The following GRIK4 variants were observed in gnomAD, a reference collection of about 807,000 sequenced individuals.
GRIK4 encodes the protein glutamate receptor ionotropic, kainate 4.
Under a neutral mutation model 104.9 loss-of-function variants are expected in GRIK4, and 40 were observed. The ratio of observed to expected loss-of-function variants is 0.38; its 90% CI spans 0.30 to 0.50. The LOEUF (loss-of-function observed/expected upper bound fraction) is 0.50, where lower values mean the gene tolerates loss of function less well. GRIK4 is among the 20% of genes least tolerant of loss of function. The pLI, the probability that GRIK4 is intolerant of heterozygous loss-of-function variation, is 0.93. For missense variants in GRIK4, 1,047 were observed against 1,308.1 expected (o/e 0.80, Z 3.08); for synonymous variants, 485 against 524.9 (o/e 0.92, Z 1.04).
At chr11:120,560,911 C>T (rs1948231880) in intron 1 of GRIK4, among the ~76,000 whole-genome samples, 1 of 152,196 alleles carries the variant, frequency 6.6e-6, no homozygotes, top group South Asian at 2.1e-4. Context: ...TTTCTGTCTG[C>T]TAAGGATTTC....
chr11:120,641,515 TG>T (rs1949472080), intron 1 of GRIK4, among the ~76,000 whole-genome samples: 1 of 152,114 alleles, frequency 6.6e-6, no homozygotes, highest in South Asian at 2.1e-4. Context: ...GGGAAAGGGG[TG>T]GGCAATTCCC....
At chr11:120,671,630 C>CT (rs1829416235) in intron 3 of GRIK4, among the ~76,000 whole-genome samples, 1 of 151,938 alleles carries the variant, frequency 6.6e-6, no homozygotes, top group East Asian at 1.9e-4. Context: ...GGATATTAGC[C>CT]CTTGTCAGAT....
intron 3 of GRIK4, among the ~76,000 whole-genome samples, chr11:120,707,963 T>G (rs1950658541): frequency 6.6e-6 from 1 of 152,104 alleles, no homozygotes; most frequent in Non-Finnish European, 1.5e-5. Context: ...CTAACGGAAG[T>G]CATATAGCAT....
intron 14 of GRIK4, among the ~76,000 whole-genome samples, chr11:120,950,471 T>G (rs1019963789): frequency 6.6e-6 from 1 of 152,310 alleles, no homozygotes; most frequent in African/African-American, 2.4e-5. Flanking sequence ...ATTGAGCATC[T>G]AATGGGTTTT....
intron 3 of GRIK4, 60 bp downstream of exon 3, chr11:120,660,460 A>G: frequency 2.3e-6 from 3 of 1,291,218 alleles, no homozygotes; most frequent in Non-Finnish European, 3.3e-6. Context: ...TCCACAAGGG[A>G]CATGAGAGTG....
chr11:120,556,028 A>G (rs1434123601), intron 1 of GRIK4, among the ~76,000 whole-genome samples: 1 of 152,160 alleles, frequency 6.6e-6, no homozygotes, highest in African/African-American at 2.4e-5. Flanking sequence ...AGGAGGTGGC[A>G]AGGTTGCCAT....
chr11:120,968,086 AAG>A (rs1944415033), intron 19 of GRIK4, among the ~76,000 whole-genome samples: 2 of 152,190 alleles, frequency 1.3e-5, no homozygotes, highest in African/African-American at 2.4e-5. Context: ...GGGCTGCCCA[AAG>A]AGCTGGACAT....
At chr11:120,764,149 T>G (rs931347205) in intron 3 of GRIK4, among the ~76,000 whole-genome samples, 1 of 152,246 alleles carries the variant, frequency 6.6e-6, no homozygotes, top group Admixed American at 6.5e-5. Flanking sequence ...GCATATATAT[T>G]TAGATAGTTA....
intron 3 of GRIK4, among the ~76,000 whole-genome samples, chr11:120,736,436 G>A (rs948806315): frequency 3.4e-5 from 3 of 86,980 alleles, no homozygotes; most frequent in African/African-American, 1.4e-4. Context: ...TTCGACTGGT[G>A]TCTACCTAGG....
intron 1 of GRIK4, among the ~76,000 whole-genome samples, chr11:120,625,091 A>T (rs1331569796): frequency 6.6e-6 from 1 of 152,166 alleles, no homozygotes; most frequent in Non-Finnish European, 1.5e-5. Context: ...AGAGGCCAAC[A>T]TGGTAAAACC....
At chr11:120,670,537 C>T (rs115355649) in intron 3 of GRIK4, among the ~76,000 whole-genome samples, 3,368 of 152,320 alleles carry the variant, frequency 0.022, 113 homozygotes, top group African/African-American at 0.076. Context: ...CAAGTGTGCT[C>T]CTGCCCCAGG....
chr11:120,540,213 A>G (rs1948019149), intron 1 of GRIK4, among the ~76,000 whole-genome samples: 1 of 152,132 alleles, frequency 6.6e-6, no homozygotes, highest in African/African-American at 2.4e-5. Flanking sequence ...AGATGCTTTT[A>G]GGGTTTAATC....
intron 19 of GRIK4, among the ~76,000 whole-genome samples, chr11:120,976,970 A>G (rs181957971): frequency 3.9e-5 from 6 of 152,352 alleles, no homozygotes; most frequent in Admixed American, 3.9e-4. Flanking sequence ...AACCAAAGGA[A>G]GAGCAAGTGG....
rs543853519 is a variant in GRIK4, at chr11:120,674,003, G to A, written c.82+13603G>A. The stretch of plus-strand genomic sequence containing the variant: ...ACCGTTCTAGCTCTGTCTGTTCTTC[G>A]GGGCCATACAGAACAGGCCTGGTGC... On this transcript the variant is annotated intron_variant, in intron 3 of 20. Transcript: ENST00000527524. 1.8e-3 allele frequency among the ~76,000 whole-genome samples: 278 copies of A among 152,060 alleles called. 1 individual carries two copies. Among genetic ancestry groups the A allele is most frequent in the African/African-American group, 6.6e-3 (272 of 41,470 alleles).
intron 3 of GRIK4, among the ~76,000 whole-genome samples, chr11:120,719,160 C>T (rs962767223): frequency 2.0e-4 from 30 of 152,124 alleles, no homozygotes; most frequent in East Asian, 1.2e-3. Flanking sequence ...TCAGAGATCT[C>T]ACATTCTTCT....
At chr11:120,983,196 A>AT (rs1944681296) in intron 20 of GRIK4, among the ~76,000 whole-genome samples, 1 of 151,716 alleles carries the variant, frequency 6.6e-6, no homozygotes. Flanking sequence ...TTGCCCCTGT[A>AT]TTTTTTTCTG....
chr11:120,558,068 G>C lies in GRIK4; in HGVS notation c.-159+46181G>C, dbSNP rs188821325. The stretch of plus-strand genomic sequence containing the variant: ...GAAGTAATCGACAGTGGTCCTTAGA[G>C]TCAGAGTCAAGGGACCTGAAACAGA... On this transcript the variant is annotated intron_variant, in intron 1 of 20. Coordinates refer to ENST00000527524, the MANE Select transcript of GRIK4 (RefSeq NM_014619.5). Among the ~76,000 whole-genome samples the C allele has an allele frequency of 2.1e-3, 316 of 149,502 alleles. 1 individual carries two copies. The highest frequency in any genetic ancestry group is 7.4e-3 in the African/African-American group (302 of 40,778).
intron 13 of GRIK4, among the ~76,000 whole-genome samples, chr11:120,917,751 C>T (rs1357438186): frequency 6.6e-6 from 1 of 152,198 alleles, no homozygotes; most frequent in East Asian, 1.9e-4. Context: ...TTCAGTGCTC[C>T]CTTAGCAGCT....
intron 3 of GRIK4, among the ~76,000 whole-genome samples, chr11:120,734,933 A>G (rs1430588275): frequency 2.0e-5 from 3 of 152,124 alleles, no homozygotes; most frequent in Admixed American, 1.3e-4. Context: ...AATTATTTCA[A>G]TCCCTTTGTT....
Sources: gnomAD v4.1 joint callset for allele counts (sites outside exome capture counted in the v4.1 genomes callset) on GRCh38, gnomAD v4.1.1 for gene constraint, MANE v1.5 for transcripts, NCBI Gene and HGNC (gene_info 2026-07-23, HGNC 2026-07-21) for gene names.